RYR2: variants seen among roughly 807,000 people sequenced by gnomAD.
RYR2 encodes the protein ryanodine receptor 2.
RYR2 carries 227 observed loss-of-function variants against 601.1 expected under a neutral mutation model. The observed-to-expected ratio is 0.38, with a 90% CI of 0.34 to 0.42. The LOEUF (loss-of-function observed/expected upper bound fraction) is 0.42. RYR2 is among the 10% of genes least tolerant of loss of function. The pLI, the probability that RYR2 is intolerant of heterozygous loss-of-function variation, is 1.00. For missense variants in RYR2, 4,646 were observed against 6,156.5 expected (o/e 0.75, Z 8.21); for synonymous variants, 2,223 against 2,175.1 (o/e 1.02, Z -0.61).
At chr1:237,700,081 G>A in intron 64 of RYR2, 148 bp from the exon 65 acceptor site, 1 of 601,182 alleles carries the variant, frequency 1.7e-6, no homozygotes, top group Non-Finnish European at 3.0e-6. Context: ...CAAGTATATT[G>A]AAAAAATTTG....
chr1:237,183,178 A>G (rs1320605876), intron 1 of RYR2, among the ~76,000 whole-genome samples: 1 of 152,198 alleles, frequency 6.6e-6, no homozygotes, highest in Admixed American at 6.5e-5. Flanking sequence ...CTTTTTCAAA[A>G]TATATCATCC....
chr1:237,538,256 A>G (rs530545537), intron 25 of RYR2, among the ~76,000 whole-genome samples: 52 of 151,258 alleles, frequency 3.4e-4, no homozygotes, highest in African/African-American at 1.2e-3. Flanking sequence ...TTAGCCAGGC[A>G]TGGTGGTGAA....
intron 12 of RYR2, among the ~76,000 whole-genome samples, chr1:237,431,683 A>G (rs1706818403): frequency 2.0e-5 from 3 of 152,114 alleles, no homozygotes. Context: ...TGGAAGTTGT[A>G]CTATTTGGTC....
At chr1:237,827,618 A>AGAC (rs1663255091) in intron 101 of RYR2, among the ~76,000 whole-genome samples, 1 of 130,072 alleles carries the variant, frequency 7.7e-6, no homozygotes, top group Non-Finnish European at 1.6e-5. Flanking sequence ...TGACAGAGCA[A>AGAC]GACTGTCTCA....
chr1:237,492,275 A>G (rs1188786619), intron 18 of RYR2, among the ~76,000 whole-genome samples: 1 of 152,120 alleles, frequency 6.6e-6, no homozygotes, highest in Non-Finnish European at 1.5e-5. Context: ...CAGGTGATCC[A>G]CCTGCCTTGG....
chr1:237,473,432 T>TTC (rs1660983003), intron 17 of RYR2, among the ~76,000 whole-genome samples: 6 of 73,792 alleles, frequency 8.1e-5, no homozygotes, highest in Admixed American at 7.9e-4. Flanking sequence ...TCTCTCTCTC[T>TTC]CTTTCTTTCT....
At chr1:237,054,195 CCCTTCTTT>C (rs1661659606) in intron 1 of RYR2, among the ~76,000 whole-genome samples, 2 of 147,758 alleles carry the variant, frequency 1.4e-5, no homozygotes, top group Admixed American at 6.7e-5. Flanking sequence ...CTCCCTTCTT[CCCTTCTTT>C]CCTCCCTTCC....
At chr1:237,489,728 G>A (rs1347612219) in intron 17 of RYR2, among the ~76,000 whole-genome samples, 2 of 152,214 alleles carry the variant, frequency 1.3e-5, no homozygotes, top group African/African-American at 4.8e-5. Context: ...GCAGTTTGGA[G>A]ATTTATCAAA....
chr1:237,727,618 A>T (rs192390188), intron 76 of RYR2, among the ~76,000 whole-genome samples: 3 of 152,262 alleles, frequency 2.0e-5, no homozygotes, highest in African/African-American at 7.2e-5. Flanking sequence ...GATCAGCCTT[A>T]TAGAGTTGTT....
intron 24 of RYR2, among the ~76,000 whole-genome samples, chr1:237,525,148 T>A (rs990228470): frequency 2.6e-5 from 4 of 152,154 alleles, no homozygotes; most frequent in African/African-American, 9.7e-5. Flanking sequence ...AAGTCCCTAC[T>A]ATCTATTATT....
chr1:237,762,921 A>G (rs922561960), intron 84 of RYR2, among the ~76,000 whole-genome samples: 3 of 152,180 alleles, frequency 2.0e-5, no homozygotes, highest in Non-Finnish European at 4.4e-5. Context: ...GGTAATTATT[A>G]AAAATGAACT....
intron 29 of RYR2, among the ~76,000 whole-genome samples, chr1:237,580,757 G>A (rs1206900350): frequency 2.6e-5 from 4 of 152,140 alleles, no homozygotes; most frequent in Admixed American, 2.0e-4. Context: ...ATAGTGTGGG[G>A]CCTTAATCCA....
chr1:237,677,852 A>G (rs922811005), intron 60 of RYR2, among the ~76,000 whole-genome samples, 196 bp from the exon 61 acceptor site: 2 of 152,144 alleles, frequency 1.3e-5, no homozygotes, highest in African/African-American at 4.8e-5. Context: ...AGCTTTTTAA[A>G]TTTAGATTTG....
intron 29 of RYR2, among the ~76,000 whole-genome samples, chr1:237,579,248 C>CTTTTTTTTTTT (rs546960253): frequency 1.5e-5 from 1 of 68,084 alleles, no homozygotes; most frequent in Non-Finnish European, 3.0e-5. Flanking sequence ...TCTTCTTCTT[C>CTTTTTTTTTTT]TTTTTTTTTT....
chr1:237,376,350 T>C (rs996142212), intron 7 of RYR2, among the ~76,000 whole-genome samples: 2 of 152,142 alleles, frequency 1.3e-5, no homozygotes, highest in Non-Finnish European at 2.9e-5. Context: ...CAAAATGAAT[T>C]TGTGGTGAGG....
intron 23 of RYR2, among the ~76,000 whole-genome samples, chr1:237,509,539 T>C (rs552110363): frequency 3.9e-5 from 6 of 152,328 alleles, no homozygotes; most frequent in Non-Finnish European, 7.4e-5. Context: ...GGGCCCTATT[T>C]TGTGGAATAA....
chr1:237,273,196 G>A (rs1192171612), intron 2 of RYR2, among the ~76,000 whole-genome samples: 6 of 152,084 alleles, frequency 3.9e-5, no homozygotes, highest in East Asian at 1.9e-4. Context: ...GTGACAGATC[G>A]TCAGGCATTA....
chr1:237,617,188 G>A, intron 37 of RYR2, 98 bp from the exon 38 acceptor site: 1 of 1,090,838 alleles, frequency 9.2e-7, no homozygotes, highest in African/African-American at 1.6e-5. Context: ...TAAGAGAGAA[G>A]AGTAGGCAAC....
At position 237,193,543 on chromosome 1, in the gene RYR2, G is replaced by A. The variant is rs554134163; in HGVS notation, c.49-76954G>A. On this transcript the variant is annotated intron_variant, in intron 1 of 104. Transcript: ENST00000366574. ...GGTGATGTTCAGTGATTAAAATGTG[G>A]AATCCTGAGGGAGTTCATTGCATGT... Among the ~76,000 whole-genome samples the A allele has an allele frequency of 2.0e-5, 3 of 152,266 alleles. No individual in the cohort carries two copies. The East Asian group carries it at 5.8e-4, about 29-fold the overall frequency.
Sources: allele counts gnomAD v4.1 joint callset (sites outside exome capture counted in the v4.1 genomes callset), GRCh38; gene constraint gnomAD v4.1.1; transcripts MANE v1.5; gene names NCBI Gene and HGNC (gene_info 2026-07-23, HGNC 2026-07-21).